Variants in PIK3AP1 observed in about 807,000 individuals in gnomAD.
The protein encoded by PIK3AP1 is phosphoinositide-3-kinase adaptor protein 1, also known as phosphoinositide 3-kinase adapter protein 1.
In PIK3AP1, 21 loss-of-function variants were observed where a neutral mutation model predicts 88.1. The ratio of observed to expected loss-of-function variants is 0.24; its 90% CI spans 0.17 to 0.34. PIK3AP1 has a LOEUF of 0.34. Among genes scored for constraint, PIK3AP1 ranks in the 10% least tolerant of loss-of-function variants. The pLI is 1.00. For missense variants in PIK3AP1, 828 were observed against 1,035.7 expected (o/e 0.80, Z 2.75); for synonymous variants, 398 against 400.0 (o/e 1.00, Z 0.06).
intron 2 of PIK3AP1, among the ~76,000 whole-genome samples, chr10:96,673,435 G>T (rs1301152442): frequency 6.6e-6 from 1 of 152,152 alleles, no homozygotes; most frequent in African/African-American, 2.4e-5. Context: ...CTGGAGGCCT[G>T]CAGGCCCCTG....
At chr10:96,681,918 G>T (rs1844005499) in intron 2 of PIK3AP1, among the ~76,000 whole-genome samples, 1 of 151,932 alleles carries the variant, frequency 6.6e-6, no homozygotes, top group South Asian at 2.1e-4. Context: ...TTATAGATGT[G>T]TTAATGAAAA....
At chr10:96,693,441 G>A (rs77369208) in intron 2 of PIK3AP1, among the ~76,000 whole-genome samples, 1 of 150,538 alleles carries the variant, frequency 6.6e-6, no homozygotes, top group Non-Finnish European at 1.5e-5. Context: ...AGATAGATGA[G>A]TGGATGGATG....
rs910064802 is a variant in PIK3AP1, at chr10:96,664,095, A to G, written c.431-7161T>C. Among the ~76,000 whole-genome samples, 21 of 152,350 alleles carry G rather than the reference A, an allele frequency of 1.4e-4. 1 individual carries two copies. The East Asian group carries it at 4.0e-3, about 29-fold the overall frequency. ...TTCACAGCTTTTGCCACATAATTCT[A>G]TTTCCAGAAGTCTCTCTTAAGGAGG... On this transcript the variant is annotated intron_variant, in intron 2 of 16. Coordinates refer to ENST00000339364, the MANE Select transcript of PIK3AP1 (RefSeq NM_152309.3).
chr10:96,687,110 G>C (rs1294036584), intron 2 of PIK3AP1, among the ~76,000 whole-genome samples: 2 of 151,874 alleles, frequency 1.3e-5, no homozygotes, highest in African/African-American at 4.8e-5. Context: ...CAAAAAATTA[G>C]CCGGGTGCGG....
At chr10:96,631,369 T>A (rs1203577574) in intron 8 of PIK3AP1, among the ~76,000 whole-genome samples, 1 of 152,148 alleles carries the variant, frequency 6.6e-6, no homozygotes, top group Non-Finnish European at 1.5e-5. Flanking sequence ...ACTAACAACG[T>A]TCAATTTGAG....
chr10:96,691,069 C>T (rs1350501087), intron 2 of PIK3AP1, among the ~76,000 whole-genome samples: 2 of 152,210 alleles, frequency 1.3e-5, no homozygotes, highest in African/African-American at 4.8e-5. Flanking sequence ...TGCACCCGTT[C>T]CCTGCCCATA....
At chr10:96,631,073 G>T (rs1435548004) in intron 8 of PIK3AP1, among the ~76,000 whole-genome samples, 1 of 152,142 alleles carries the variant, frequency 6.6e-6, no homozygotes, top group Non-Finnish European at 1.5e-5. Flanking sequence ...ACCCCCAAGG[G>T]AAGACATGCT....
intron 2 of PIK3AP1, chr10:96,700,943 T>C (rs1844290194): frequency 5.4e-6 from 2 of 370,982 alleles, no homozygotes; most frequent in African/African-American, 3.7e-5. Context: ...ACTGTGCCCA[T>C]AACAGCCCAT....
intron 14 of PIK3AP1, among the ~76,000 whole-genome samples, chr10:96,606,579 T>C (rs531987989): frequency 2.6e-5 from 4 of 152,294 alleles, no homozygotes; most frequent in Admixed American, 6.5e-5. Flanking sequence ...CCCAATCCCC[T>C]CTAGGCTACA....
In PIK3AP1 at chr10:96,628,478, T is replaced by C; in HGVS notation, c.1391A>G (p.Gln464Arg). 2 of 1,612,404 alleles carry C rather than the reference T, an allele frequency of 1.2e-6. No homozygotes were observed. Among genetic ancestry groups the C allele is most frequent in the Non-Finnish European group, 8.5e-7 (1 of 1,178,490 alleles). Reference sequence around the variant, plus strand: ...AGGGATTGGGTTAGATGTACTGGCCTGAAGCATTTCAACATCTAGAAGGAA... The same window carrying C: ...AGGGATTGGGTTAGATGTACTGGCCCGAAGCATTTCAACATCTAGAAGGAA... ...ATEDLYVEML[Q>R]ASTSNPIPGD... Residue 464 changes from glutamine (Q) to arginine (R), a missense_variant, in exon 9 of 17, where the codon CAG becomes CGG. Gln to Arg is a conservative substitution (Grantham distance 43). Transcript: ENST00000339364.
chr10:96,609,941 C>T lies in PIK3AP1; in HGVS notation c.2015-74G>A. Reference sequence around the variant, plus strand: ...CCTGCCAAGCTGCTCAGCAGCTTCCCTCCACCTGCCTCTCTCACAGGAGCC... The same window carrying T: ...CCTGCCAAGCTGCTCAGCAGCTTCCTTCCACCTGCCTCTCTCACAGGAGCC... On this transcript the variant is annotated intron_variant, in intron 13 of 16. Transcript: ENST00000339364. 4.6e-6 allele frequency: 7 copies of T among 1,511,878 alleles called. No individual in the cohort carries two copies. The South Asian group carries it at 7.9e-5, about 17-fold the overall frequency. The allele number at this position is 1,511,878 out of a possible 1,614,324, so 93.7% of individuals were successfully genotyped here.
At chr10:96,626,957 A>G in intron 9 of PIK3AP1, 52 bp from the exon 10 acceptor site, 1 of 1,512,894 alleles carries the variant, frequency 6.6e-7, no homozygotes, top group South Asian at 1.1e-5. Flanking sequence ...AAACTGGGTG[A>G]TCATCAGTCA....
Position 96,603,999 on chromosome 10 carries a change from C to A in PIK3AP1, c.2221G>T (p.Gly741Trp), listed in dbSNP as rs759877812. 6.2e-7 allele frequency: 1 copy of A among 1,607,794 alleles called. No individual in the cohort carries two copies. The highest frequency in any genetic ancestry group is 2.2e-5 in the East Asian group (1 of 44,684). ...CTCACCTCGTTGTCCCCTTCCATCC[C>A]GCTGCTCACACTGAGGAGGCTCCGG... ...STRSLLSVSSGMEGDNEDNEV... is the reference protein window; with the variant it reads ...STRSLLSVSSWMEGDNEDNEV... The change falls in exon 15 of 17, where the codon GGG becomes TGG. Residue 741 changes from glycine (G) to tryptophan (W), a missense_variant. Transcript: ENST00000339364.
At chr10:96,638,398 T>C (rs1207722217) in intron 8 of PIK3AP1, among the ~76,000 whole-genome samples, 1 of 151,878 alleles carries the variant, frequency 6.6e-6, no homozygotes, top group Non-Finnish European at 1.5e-5. Context: ...CTTTACAAAT[T>C]ACCCAGTCCA....
intron 12 of PIK3AP1, 88 bp from the exon 13 acceptor site, chr10:96,616,799 G>A: frequency 2.4e-6 from 3 of 1,270,682 alleles, no homozygotes; most frequent in Non-Finnish European, 3.5e-6. Flanking sequence ...TATGCTGTTT[G>A]CAGGGTATAT....
chr10:96,715,462 A>G (rs1433045717), intron 1 of PIK3AP1, among the ~76,000 whole-genome samples: 1 of 152,226 alleles, frequency 6.6e-6, no homozygotes, highest in Non-Finnish European at 1.5e-5. Flanking sequence ...CAGTTAACTA[A>G]TTGTCACAAA....
At chr10:96,632,963 G>A in intron 8 of PIK3AP1, 1 of 1,612,920 alleles carries the variant, frequency 6.2e-7, no homozygotes. Flanking sequence ...GCAGTGAAGA[G>A]AGCTGGTCTT....
chr10:96,665,556 G>A lies in PIK3AP1; in HGVS notation c.431-8622C>T, dbSNP rs987938556. On this transcript the variant is annotated intron_variant, in intron 2 of 16. Transcript: ENST00000339364. ...CTCTCAAACCAGTGTCTGGTCTGCA[G>A]AAAGTCCTTAGATACGTTCTTTATG... Among the ~76,000 whole-genome samples the A allele has an allele frequency of 2.0e-5, 3 of 152,206 alleles. No individual in the cohort carries two copies. The South Asian group carries it at 6.2e-4, about 31-fold the overall frequency.
intron 1 of PIK3AP1, among the ~76,000 whole-genome samples, chr10:96,718,627 C>T (rs1229913492): frequency 1.3e-5 from 2 of 152,228 alleles, no homozygotes; most frequent in African/African-American, 2.4e-5. Context: ...CTAGGGTCCC[C>T]CTCTGAACTG....
Sources: allele counts gnomAD v4.1 joint callset (sites outside exome capture counted in the v4.1 genomes callset), GRCh38; gene constraint gnomAD v4.1.1; transcripts MANE v1.5; gene names NCBI Gene and HGNC (gene_info 2026-07-23, HGNC 2026-07-21).